The following NAV3 variants were observed in gnomAD, a reference collection of about 807,000 sequenced individuals.
NAV3 encodes pore membrane and/or filament interacting like protein 1.
A neutral mutation model predicts 244.7 loss-of-function variants in NAV3; 87 were observed. The observed-to-expected ratio is 0.36, with a 90% CI of 0.30 to 0.42. The LOEUF (loss-of-function observed/expected upper bound fraction) is 0.42, where lower values mean the gene tolerates loss of function less well. NAV3 is among the 20% of genes least tolerant of loss of function. NAV3 has a pLI of 1.00. For synonymous variants in NAV3, 1,126 were observed against 1,042.2 expected, an observed-to-expected ratio of 1.08 and a Z score of -1.55; for missense variants, 2,663 against 2,893.3, an observed-to-expected ratio of 0.92 and a Z score of 1.83.
chr12:78,130,889 G>T (rs1392594381), intron 18 of NAV3: 5 of 190,102 alleles, frequency 2.6e-5, no homozygotes, highest in Non-Finnish European at 4.6e-5. Context: ...TCTTTCCAGG[G>T]CTTGGACAAA....
chr12:78,039,776 T>C (rs1286485085), intron 9 of NAV3, among the ~76,000 whole-genome samples: 2 of 152,072 alleles, frequency 1.3e-5, no homozygotes, highest in Non-Finnish European at 2.9e-5. Flanking sequence ...GCTGTTATTT[T>C]TTTTTTCTCT....
At chr12:77,808,700 ACT>A (rs1457996043) in intron 2 of NAV3, among the ~76,000 whole-genome samples, 1 of 152,154 alleles carries the variant, frequency 6.6e-6, no homozygotes, top group African/African-American at 2.4e-5. Context: ...GAGCTCCAGC[ACT>A]CTGCTGGGAG....
chr12:77,866,992 G>A (rs2136399872), intron 1 of NAV3, among the ~76,000 whole-genome samples: 1 of 152,320 alleles, frequency 6.6e-6, no homozygotes, highest in Non-Finnish European at 1.5e-5. Context: ...GCCATCTCTA[G>A]AGTTGTGACA....
chr12:77,621,441 A>G (rs1871364870), intron 2 of NAV3, among the ~76,000 whole-genome samples: 1 of 151,666 alleles, frequency 6.6e-6, no homozygotes, highest in African/African-American at 2.4e-5. Flanking sequence ...TAATACAATA[A>G]TAGCCAGTGA....
intron 12 of NAV3, among the ~76,000 whole-genome samples, chr12:78,106,120 G>A (rs1414030109): frequency 6.6e-6 from 1 of 151,636 alleles, no homozygotes; most frequent in Non-Finnish European, 1.5e-5. Flanking sequence ...ATACAGATTA[G>A]CAAAGAAAAA....
intron 2 of NAV3, among the ~76,000 whole-genome samples, chr12:77,612,421 A>G (rs947181542): frequency 1.3e-5 from 2 of 152,100 alleles, no homozygotes; most frequent in Non-Finnish European, 1.5e-5. Context: ...CAGAAAGAGG[A>G]TTTGTCAACT....
At chr12:78,060,497 C>T (rs1003818638) in intron 12 of NAV3, among the ~76,000 whole-genome samples, 1 of 151,890 alleles carries the variant, frequency 6.6e-6, no homozygotes. Context: ...TGAAGCATCT[C>T]CCCACCTGTA....
chr12:78,014,194 G>A (rs1875793396), intron 8 of NAV3, among the ~76,000 whole-genome samples: 1 of 152,050 alleles, frequency 6.6e-6, no homozygotes, highest in Non-Finnish European at 1.5e-5. Flanking sequence ...ACAAAGTTTT[G>A]AAATAATGCT....
At chr12:77,611,644 C>G (rs1298091070) in intron 2 of NAV3, among the ~76,000 whole-genome samples, 1 of 151,772 alleles carries the variant, frequency 6.6e-6, no homozygotes, top group African/African-American at 2.4e-5. Flanking sequence ...TAATTATAAT[C>G]TATTTATATA....
At chr12:77,990,079 A>C (rs1871183768) in intron 5 of NAV3, among the ~76,000 whole-genome samples, 1 of 91,564 alleles carries the variant, frequency 1.1e-5, no homozygotes, top group Admixed American at 1.1e-4. Flanking sequence ...TATTTTTAAT[A>C]TGCTTCCAAT....
chr12:78,089,965 C>A (rs962489708), intron 12 of NAV3, among the ~76,000 whole-genome samples: 2 of 152,084 alleles, frequency 1.3e-5, no homozygotes, highest in Admixed American at 6.6e-5. Flanking sequence ...GATTTAAGCT[C>A]TTTCTCTTCT....
chr12:77,814,030 C>G (rs1872421884), intron 2 of NAV3, among the ~76,000 whole-genome samples: 2 of 152,166 alleles, frequency 1.3e-5, no homozygotes, highest in Non-Finnish European at 2.9e-5. Flanking sequence ...AGCAGATCCT[C>G]AGGCTGCACC....
chr12:77,911,009 A>G (rs998548374), intron 1 of NAV3, among the ~76,000 whole-genome samples: 4 of 152,250 alleles, frequency 2.6e-5, no homozygotes, highest in South Asian at 2.1e-4. Flanking sequence ...AGAGAAGTGA[A>G]TGGCTATCTT....
chr12:77,920,527 C>A (rs979943066), intron 1 of NAV3, among the ~76,000 whole-genome samples: 2 of 151,922 alleles, frequency 1.3e-5, no homozygotes. Flanking sequence ...CCCTTCATGA[C>A]AATTTTCTGG....
chr12:77,907,971 T>C (rs1171051989), intron 1 of NAV3, among the ~76,000 whole-genome samples: 2 of 152,114 alleles, frequency 1.3e-5, no homozygotes, highest in Non-Finnish European at 2.9e-5. Context: ...ATTGATGACA[T>C]GCATATTAAA....
chr12:77,721,321 G>A (rs190536971), intron 2 of NAV3, among the ~76,000 whole-genome samples: 271 of 151,942 alleles, frequency 1.8e-3, no homozygotes, highest in African/African-American at 5.0e-3. Flanking sequence ...AACCTAATTC[G>A]TACAGCTGGT....
intron 2 of NAV3, among the ~76,000 whole-genome samples, chr12:77,726,015 G>C (rs1460063735): frequency 6.6e-6 from 1 of 151,966 alleles, no homozygotes; most frequent in East Asian, 1.9e-4. Flanking sequence ...ATTACATTGG[G>C]CCTAACCGGA....
chr12:77,704,101 C>A (rs1332667376), intron 2 of NAV3, among the ~76,000 whole-genome samples: 1 of 152,168 alleles, frequency 6.6e-6, no homozygotes, highest in Non-Finnish European at 1.5e-5. Flanking sequence ...TGAGTAAACA[C>A]ATTTAAAAGG....
chr12:77,944,601 A>G (rs1391219516), intron 3 of NAV3, among the ~76,000 whole-genome samples: 2 of 152,138 alleles, frequency 1.3e-5, no homozygotes, highest in Admixed American at 1.3e-4. Context: ...TCTGAAGGTC[A>G]GAAAAGAGTA....
Sources: allele counts gnomAD v4.1 joint callset (sites outside exome capture counted in the v4.1 genomes callset), GRCh38; gene constraint gnomAD v4.1.1; transcripts MANE v1.5; gene names NCBI Gene and HGNC (gene_info 2026-07-23, HGNC 2026-07-21).